CDH26: variants seen among roughly 807,000 people sequenced by gnomAD.
CDH26 encodes cadherin-like protein 26.
A neutral mutation model predicts 90.3 loss-of-function variants in CDH26; 83 were observed. That is an observed-to-expected ratio of 0.92 (90% CI 0.77 to 1.10). CDH26 has a LOEUF of 1.10. Ranked by LOEUF, CDH26 falls within the 50% of genes least tolerant of loss-of-function variation. CDH26 has a pLI of 0.00. For synonymous variants in CDH26, 397 were observed against 396.3 expected, an observed-to-expected ratio of 1.00 and a Z score of -0.02; for missense variants, 1,013 against 1,037.6, an observed-to-expected ratio of 0.98 and a Z score of 0.33.
At chr20:59,958,969 A>C (rs2061033099) in intron 1 of CDH26, among the ~76,000 whole-genome samples, 174 bp downstream of exon 1, 1 of 152,230 alleles carries the variant, frequency 6.6e-6, no homozygotes, top group African/African-American at 2.4e-5. Context: ...ATTTATATAA[A>C]GGGAAGTTAA....
At chr20:60,022,246 C>G (rs2061964267) in intron 7 of CDH26, among the ~76,000 whole-genome samples, 1 of 152,148 alleles carries the variant, frequency 6.6e-6, no homozygotes, top group Non-Finnish European at 1.5e-5. Flanking sequence ...TAAACTAATT[C>G]TTGCTAACGG....
chr20:59,974,541 A>T (rs1256891830), intron 4 of CDH26, among the ~76,000 whole-genome samples: 2 of 152,162 alleles, frequency 1.3e-5, no homozygotes, highest in Admixed American at 1.3e-4. Context: ...ATTTAGAGCA[A>T]AGAGTGACAG....
At chr20:59,961,119 T>A (rs572656089) in intron 1 of CDH26, among the ~76,000 whole-genome samples, 1 of 152,326 alleles carries the variant, frequency 6.6e-6, no homozygotes, top group Non-Finnish European at 1.5e-5. Context: ...GAAGTCCTTT[T>A]TAGTAGCCCA....
chr20:60,024,009 G>A (rs1353663171), intron 7 of CDH26, among the ~76,000 whole-genome samples: 1 of 151,878 alleles, frequency 6.6e-6, no homozygotes, highest in East Asian at 1.9e-4. Context: ...GAGCATGGAG[G>A]CCCATAAGGA....
downstream of CDH26, among the ~76,000 whole-genome samples, chr20:60,017,701 G>C: frequency 6.6e-6 from 1 of 151,678 alleles, no homozygotes; most frequent in Non-Finnish European, 1.5e-5. Flanking sequence ...TTATTAAATT[G>C]CTCATTTGAA....
chr20:59,958,881 G>C (rs1218503917), intron 1 of CDH26, 86 bp downstream of exon 1: 2 of 1,389,530 alleles, frequency 1.4e-6, no homozygotes, highest in Non-Finnish European at 2.0e-6. Context: ...GGCTAAGGGA[G>C]GGGAGAGGGA....
intron 17 of CDH26, among the ~76,000 whole-genome samples, chr20:60,010,349 G>A (rs1449965363): frequency 6.6e-6 from 1 of 152,126 alleles, no homozygotes; most frequent in East Asian, 1.9e-4. Context: ...TGCCCTACAT[G>A]AGCTCACCCT....
exon 8 of CDH26, chr20:60,031,350 G>A (rs1190711107): frequency 1.5e-5 from 19 of 1,290,954 alleles, no homozygotes; most frequent in East Asian, 1.2e-4. Context: ...GGAGACTAAC[G>A]CAGACTGGTA....
chr20:59,998,704 A>C (rs1211192025), intron 13 of CDH26, among the ~76,000 whole-genome samples: 2 of 151,010 alleles, frequency 1.3e-5, no homozygotes, highest in Non-Finnish European at 3.0e-5. Flanking sequence ...TCTGTGATTG[A>C]TCAGTTACAT....
At position 60,019,777 on chromosome 20, in the gene CDH26, T is replaced by A. The variant is rs578220879; in HGVS notation, c.948-11454T>A. Among the ~76,000 whole-genome samples, 59 of 152,346 alleles carry A rather than the reference T, an allele frequency of 3.9e-4. No homozygotes were observed. The South Asian group carries it at 0.011, about 27-fold the overall frequency. On this transcript the variant is annotated intron_variant, in intron 7 of 8. Coordinates refer to the CDH26 transcript ENST00000370991. ...GTCATGTTTCCTTGCCTGTTTTGTG[T>A]TTAATGTGTCCCTGCATTGATTTAT... is the stretch of plus-strand genomic sequence containing the variant.
In CDH26 at chr20:59,992,479, A is replaced by G. The variant is rs140101554; in HGVS notation, c.1385A>G (p.Asn462Ser). Reference sequence around the variant, plus strand: ...ATTGACCGAGAATCCCCTCATGTAAATAACAGTTTTTATGTAATCATCATT... The same window carrying G: ...ATTGACCGAGAATCCCCTCATGTAAGTAACAGTTTTTATGTAATCATCATT... ...EPIDRESPHV[N>S]NSFYVIIIHA... Residue 462 changes from asparagine (N) to serine (S), a missense_variant, in exon 10 of 18, where the codon AAT becomes AGT. Coordinates refer to ENST00000348616, the MANE Select transcript of CDH26 (RefSeq NM_177980.4). The surrounding 1 kb of genome is among the most constrained non-coding windows in gnomAD (Gnocchi z 5.0). The G allele has an allele frequency of 1.2e-6, 2 of 1,614,150 alleles. No individual in the cohort carries two copies. Among genetic ancestry groups the G allele is most frequent in the Non-Finnish European group, 1.7e-6 (2 of 1,180,036 alleles).
At chr20:59,995,066 T>G (rs78106604) in intron 11 of CDH26, among the ~76,000 whole-genome samples, 153 of 152,358 alleles carry the variant, frequency 1.0e-3, no homozygotes, top group African/African-American at 3.4e-3. Context: ...GTGGCGTCTG[T>G]AGACTGTGGC....
Position 59,958,699 on chromosome 20 carries a change from G to A in CDH26, c.-28G>A, listed in dbSNP as rs575882546. The A allele has an allele frequency of 9.3e-6, 15 of 1,612,604 alleles. No homozygotes were observed. Among genetic ancestry groups the A allele is most frequent in the South Asian group, 7.7e-5 (7 of 91,028 alleles). ...TTGGAGGACTGGTCATCAGCTGCAC[G>A]TTCTGGGTCTGTCTTGGGTATTCCC... On this transcript the variant is annotated 5_prime_UTR_variant, in exon 1 of 18. Transcript: ENST00000348616.
intron 16 of CDH26, 55 bp from the exon 17 acceptor site, chr20:60,006,658 G>T (rs2146015226): frequency 1.5e-6 from 2 of 1,291,850 alleles, no homozygotes; most frequent in South Asian, 2.4e-5. Flanking sequence ...CACAGGGGTT[G>T]GGGGGTAGGA....
chr20:60,002,367 C>CAT (rs2061688710), intron 15 of CDH26, among the ~76,000 whole-genome samples: 2 of 151,772 alleles, frequency 1.3e-5, no homozygotes, highest in Admixed American at 1.3e-4. Context: ...GGAACACCCA[C>CAT]CATGGCACAG....
intron 5 of CDH26, 59 bp from the exon 6 acceptor site, chr20:59,984,580 T>C (rs2145985716): frequency 7.0e-7 from 1 of 1,424,370 alleles, no homozygotes. Flanking sequence ...ATTCATCCTC[T>C]TACTGGTTTG....
intron 4 of CDH26, among the ~76,000 whole-genome samples, chr20:59,978,492 C>T (rs1447324266): frequency 1.3e-5 from 2 of 151,752 alleles, no homozygotes; most frequent in Non-Finnish European, 2.9e-5. Flanking sequence ...TCTTCCACCT[C>T]AGCCTCCCGA....
intron 7 of CDH26, among the ~76,000 whole-genome samples, chr20:60,027,776 T>C (rs2062009972): frequency 6.6e-6 from 1 of 152,210 alleles, no homozygotes; most frequent in African/African-American, 2.4e-5. Flanking sequence ...TGGAAATGTG[T>C]CTACCAAGCT....
chr20:59,990,689 G>A (rs1387938982), intron 9 of CDH26, among the ~76,000 whole-genome samples: 1 of 152,060 alleles, frequency 6.6e-6, no homozygotes, highest in Non-Finnish European at 1.5e-5. Context: ...CTTCATTTTT[G>A]CAGTTATCTC....
Sources: allele counts gnomAD v4.1 joint callset (sites outside exome capture counted in the v4.1 genomes callset), GRCh38; gene constraint gnomAD v4.1.1; non-coding constraint Gnocchi (gnomAD v3.1); transcripts MANE v1.5; gene names NCBI Gene and HGNC (gene_info 2026-07-23, HGNC 2026-07-21).